The following CLASP1 variants were observed in gnomAD, a reference collection of about 807,000 sequenced individuals.
CLASP1 encodes the protein CLIP-associating protein 1.
CLASP1 carries 38 observed loss-of-function variants against 192.3 expected under a neutral mutation model. The ratio of observed to expected loss-of-function variants is 0.20; its 90% CI spans 0.15 to 0.26. The LOEUF is 0.26. Ranked by LOEUF, CLASP1 falls within the 10% of genes least tolerant of loss-of-function variation. The pLI, the probability that CLASP1 is intolerant of heterozygous loss-of-function variation, is 1.00. For missense variants in CLASP1, 1,433 were observed against 1,932.5 expected (o/e 0.74, Z 4.85); for synonymous variants, 691 against 712.8 (o/e 0.97, Z 0.49).
chr2:121,478,759 A>ACCACACACC (rs2092075046), intron 8 of CLASP1, among the ~76,000 whole-genome samples: 1 of 66,020 alleles, frequency 1.5e-5, no homozygotes, highest in Non-Finnish European at 2.7e-5. Context: ...CACCACACAC[A>ACCACACACC]CACCACACAC....
At chr2:121,478,804 A>ACACAC (rs1178277268) in intron 8 of CLASP1, among the ~76,000 whole-genome samples, 3 of 27,538 alleles carry the variant, frequency 1.1e-4, no homozygotes, top group African/African-American at 3.7e-4. Flanking sequence ...CACACACCAC[A>ACACAC]CACACACCCC....
intron 7 of CLASP1, among the ~76,000 whole-genome samples, chr2:121,515,249 T>TTA (rs2094253784): frequency 6.6e-6 from 1 of 152,208 alleles, no homozygotes; most frequent in South Asian, 2.1e-4. Context: ...ATTTCCAAAA[T>TTA]TATAACTTAT....
rs17006455 is a variant in CLASP1 at position 121,410,733 on chromosome 2, A to G, written c.2424+133T>C. 6.1e-3 allele frequency: 3,507 copies of G among 570,690 alleles called. 112 individuals are homozygous for G. The highest frequency in any genetic ancestry group is 0.06 in the African/African-American group (3,170 of 52,470). The allele number at this position is 570,690 out of a possible 1,614,324, so 35.4% of individuals were successfully genotyped here. ...AAACAATAACAATATAAATTTACCC[A>G]ACATTAACACAATTTTAAAGAGTTT... On this transcript the variant is annotated intron_variant, in intron 24 of 39. Coordinates refer to ENST00000263710, the Ensembl canonical transcript of CLASP1.
chr2:121,376,908 C>A (rs532003078), intron 34 of CLASP1, among the ~76,000 whole-genome samples: 30 of 152,340 alleles, frequency 2.0e-4, no homozygotes, highest in African/African-American at 7.0e-4. Context: ...CACCCTCAGA[C>A]AGGGCCAACT....
intron 2 of CLASP1, among the ~76,000 whole-genome samples, chr2:121,564,237 C>T (rs533010255): frequency 5.3e-5 from 8 of 152,214 alleles, no homozygotes; most frequent in African/African-American, 1.7e-4. Context: ...AAAAAGGTGG[C>T]GGCGGGGTAG....
intron 2 of CLASP1, among the ~76,000 whole-genome samples, chr2:121,559,038 A>C (rs2058835468): frequency 6.6e-6 from 1 of 152,250 alleles, no homozygotes; most frequent in Non-Finnish European, 1.5e-5. Flanking sequence ...CCCCTGTCTG[A>C]ATTCACACAG....
At chr2:121,448,320 G>A (rs752945821) in exon 18 of CLASP1, 16 of 1,610,548 alleles carry the variant, frequency 9.9e-6, no homozygotes, top group Admixed American at 1.7e-5. Flanking sequence ...GGCAGACAGC[G>A]GACGACTAAA....
At chr2:121,638,962 C>T (rs2071467971) in intron 1 of CLASP1, among the ~76,000 whole-genome samples, 1 of 152,176 alleles carries the variant, frequency 6.6e-6, no homozygotes, top group South Asian at 2.1e-4. Flanking sequence ...AGCCACTGTG[C>T]CCAGCCAACA....
intron 1 of CLASP1, among the ~76,000 whole-genome samples, chr2:121,644,953 C>A (rs2072880558): frequency 7.0e-6 from 1 of 143,348 alleles, no homozygotes; most frequent in Non-Finnish European, 1.5e-5. Flanking sequence ...GCAAAACTGT[C>A]TCAAAAAAAA....
At position 121,422,436 on chromosome 2, in the gene CLASP1, T is replaced by C. The variant is rs1461065455; in HGVS notation, c.2212+2703A>G. ...TGCAAAAATGTCAAATGTGTTTTCA[T>C]AGCCTTTCCATAGAGGAGTGGGAGA... On this transcript the variant is annotated intron_variant, in intron 22 of 39. Transcript: ENST00000263710. 2.0e-5 allele frequency among the ~76,000 whole-genome samples: 3 copies of C among 152,324 alleles called. No homozygotes were observed. The South Asian group carries it at 6.2e-4, about 32-fold the overall frequency.
At chr2:121,367,301 A>C (rs1239465222) in intron 35 of CLASP1, among the ~76,000 whole-genome samples, 1 of 152,204 alleles carries the variant, frequency 6.6e-6, no homozygotes, top group Non-Finnish European at 1.5e-5. Flanking sequence ...CTGATGGTAG[A>C]GTTGGCCTTC....
chr2:121,471,169 T>C (rs183518729), intron 8 of CLASP1, among the ~76,000 whole-genome samples: 1 of 152,248 alleles, frequency 6.6e-6, no homozygotes, highest in East Asian at 1.9e-4. Context: ...TAGTCCCAGA[T>C]ACTCAGAAGG....
chr2:121,621,132 T>C (rs1490813842), intron 1 of CLASP1, among the ~76,000 whole-genome samples: 3 of 152,018 alleles, frequency 2.0e-5, no homozygotes, highest in Non-Finnish European at 4.4e-5. Context: ...AGTAGGAGGA[T>C]TGTTGAGCCC....
intron 39 of CLASP1, among the ~76,000 whole-genome samples, chr2:121,342,417 CTT>C (rs1404017166): frequency 1.3e-5 from 2 of 152,210 alleles, no homozygotes; most frequent in African/African-American, 2.4e-5. Context: ...CGCACCTAGC[CTT>C]AGAAAACATC....
chr2:121,635,940 G>A (rs2070750108), intron 1 of CLASP1, among the ~76,000 whole-genome samples: 1 of 152,084 alleles, frequency 6.6e-6, no homozygotes, highest in South Asian at 2.1e-4. Context: ...AGTGGCTCAC[G>A]CCTGTTATCC....
intron 25 of CLASP1, among the ~76,000 whole-genome samples, chr2:121,406,515 A>G (rs780078217): frequency 6.6e-6 from 1 of 152,238 alleles, no homozygotes; most frequent in Non-Finnish European, 1.5e-5. Flanking sequence ...CATACTGTAC[A>G]GGAAGATTTC....
intron 18 of CLASP1, 75 bp from the exon 19 acceptor site, chr2:121,447,582 G>A: frequency 7.9e-7 from 1 of 1,259,698 alleles, no homozygotes; most frequent in East Asian, 2.6e-5. Context: ...ATCTGATGTT[G>A]TTTTGCTTTC....
At chr2:121,395,838 G>C (rs550335005) in intron 30 of CLASP1, among the ~76,000 whole-genome samples, 3 of 152,314 alleles carry the variant, frequency 2.0e-5, no homozygotes, top group African/African-American at 7.2e-5. Flanking sequence ...TAGGGAAGAT[G>C]CCAGGGAACA....
chr2:121,392,500 C>T (rs1306361775), intron 30 of CLASP1, among the ~76,000 whole-genome samples: 2 of 152,216 alleles, frequency 1.3e-5, no homozygotes, highest in South Asian at 2.1e-4. Context: ...AGGACTCTTC[C>T]TGTGGCTGCA....
Sources: allele counts gnomAD v4.1 joint callset (sites outside exome capture counted in the v4.1 genomes callset), GRCh38; gene constraint gnomAD v4.1.1; transcripts MANE v1.5; gene names NCBI Gene and HGNC (gene_info 2026-07-23, HGNC 2026-07-21).